The following MYO3A variants were observed in gnomAD, a reference collection of about 807,000 sequenced individuals.
MYO3A encodes the protein myosin IIIA, also known as myosin-IIIa.
Under a neutral mutation model 192.7 loss-of-function variants are expected in MYO3A, and 180 were observed. That is an observed-to-expected ratio of 0.93 (90% CI 0.83 to 1.06). The LOEUF (loss-of-function observed/expected upper bound fraction) is 1.06, where lower values mean the gene tolerates loss of function less well. MYO3A is among the 50% of genes least tolerant of loss of function. MYO3A has a pLI of 0.00. For synonymous variants in MYO3A, 628 were observed against 645.3 expected (o/e 0.97, Z 0.41); for missense variants, 1,896 against 1,905.0 (o/e 1.00, Z 0.09).
At chr10:25,950,678 A>G (rs996647111) in intron 2 of MYO3A, among the ~76,000 whole-genome samples, 4 of 152,300 alleles carry the variant, frequency 2.6e-5, no homozygotes, top group Middle Eastern at 3.4e-3. Flanking sequence ...AGACGTCACA[A>G]TAATACAAGG....
intron 2 of MYO3A, among the ~76,000 whole-genome samples, chr10:25,951,004 GC>G (rs1319406668): frequency 1.3e-5 from 2 of 152,128 alleles, no homozygotes; most frequent in Non-Finnish European, 2.9e-5. Context: ...ATAGAAAAGA[GC>G]ATTACTTGGA....
intron 14 of MYO3A, among the ~76,000 whole-genome samples, chr10:26,086,607 G>A (rs1317990766): frequency 6.6e-6 from 1 of 151,942 alleles, no homozygotes; most frequent in African/African-American, 2.4e-5. Flanking sequence ...TTCGGGAGTG[G>A]AAGAGCCAGG....
intron 6 of MYO3A, among the ~76,000 whole-genome samples, chr10:26,013,964 C>A (rs1026629742): frequency 6.6e-6 from 1 of 152,016 alleles, no homozygotes; most frequent in African/African-American, 2.4e-5. Context: ...AAAATAATGT[C>A]TTTTGTAACA....
At chr10:26,147,355 G>A in intron 22 of MYO3A, 75 bp from the exon 23 acceptor site, 2 of 1,397,516 alleles carry the variant, frequency 1.4e-6, no homozygotes, top group Middle Eastern at 1.8e-4. Flanking sequence ...ATCTGTTGTT[G>A]ATGATGATGA....
At chr10:25,983,109 C>T (rs565650315) in intron 4 of MYO3A, among the ~76,000 whole-genome samples, 10 of 151,978 alleles carry the variant, frequency 6.6e-5, no homozygotes, top group African/African-American at 2.4e-4. Flanking sequence ...AAATAAAAAA[C>T]AATCACAACT....
rs1844233076 is a variant in MYO3A at position 26,211,867 on chromosome 10, G to A, written c.4755G>A (p.Glu1585=). ...GGTGCTGGGCGGCGGAGAGCCCCGA[G>A]AAGGAGGAGGAGAGAGAGCCAGCAG... ...NERCWAAESP[E]KEEEREPAAN... The change falls in exon 35 of 35, where the codon GAG becomes GAA. Residue 1585 remains glutamate (E), a synonymous_variant. Coordinates refer to ENST00000642920, the MANE Select transcript of MYO3A (RefSeq NM_017433.5). The A allele has an allele frequency of 1.9e-6, 3 of 1,614,000 alleles. No homozygotes were observed. The South Asian group carries it at 3.3e-5, about 18-fold the overall frequency.
chr10:26,088,536 G>T, intron 15 of MYO3A, 131 bp downstream of exon 15: 1 of 843,082 alleles, frequency 1.2e-6, no homozygotes, highest in South Asian at 1.5e-5. Context: ...TTACTATTGA[G>T]AATGAAGAGA....
At chr10:26,179,022 C>G (rs891416556) in intron 31 of MYO3A, among the ~76,000 whole-genome samples, 1 of 150,622 alleles carries the variant, frequency 6.6e-6, no homozygotes, top group African/African-American at 2.5e-5. Flanking sequence ...AGGGTGGTCT[C>G]GATCCGACCC....
Position 26,042,928 on chromosome 10 carries a change from T to A in MYO3A, c.953+16396T>A, listed in dbSNP as rs192835454. On this transcript the variant is annotated intron_variant, in intron 10 of 34. Coordinates refer to ENST00000642920, the MANE Select transcript of MYO3A (RefSeq NM_017433.5). ...TAGCTATTTCTGGTAGTGTTTGCAG[T>A]CTGGACTTGTTTGTGCCTATCTTTC... Among the ~76,000 whole-genome samples the A allele has an allele frequency of 5.6e-4, 85 of 152,316 alleles. 2 individuals carry two copies. The highest frequency in any genetic ancestry group is 4.4e-5 in the Non-Finnish European group (3 of 68,010).
chr10:26,082,065 T>A (rs1835994265), intron 14 of MYO3A, among the ~76,000 whole-genome samples: 1 of 152,222 alleles, frequency 6.6e-6, no homozygotes, highest in African/African-American at 2.4e-5. Context: ...AGCTGCAATC[T>A]AGTCCTGTCT....
chr10:26,104,418 G>T (rs989884464), intron 17 of MYO3A, among the ~76,000 whole-genome samples: 1 of 152,112 alleles, frequency 6.6e-6, no homozygotes, highest in African/African-American at 2.4e-5. Flanking sequence ...TGGACATTCA[G>T]TGTACCAGCA....
chr10:25,968,353 A>G (rs568819724), intron 4 of MYO3A, among the ~76,000 whole-genome samples: 1 of 152,350 alleles, frequency 6.6e-6, no homozygotes, highest in Non-Finnish European at 1.5e-5. Flanking sequence ...TTTATGTCAA[A>G]TGAAAAAATG....
At chr10:26,128,843 C>T (rs542416633) in intron 20 of MYO3A, among the ~76,000 whole-genome samples, 8 of 152,100 alleles carry the variant, frequency 5.3e-5, no homozygotes, top group African/African-American at 1.7e-4. Flanking sequence ...TAGACAGATG[C>T]GTCCAACAGT....
At chr10:26,139,130 G>A (rs1201366284) in intron 20 of MYO3A, among the ~76,000 whole-genome samples, 1 of 152,184 alleles carries the variant, frequency 6.6e-6, no homozygotes, top group African/African-American at 2.4e-5. Flanking sequence ...TATGTGCTAA[G>A]CATGTATCTA....
At chr10:26,094,720 G>A (rs556089599) in intron 15 of MYO3A, among the ~76,000 whole-genome samples, 54 of 152,048 alleles carry the variant, frequency 3.6e-4, no homozygotes, top group Non-Finnish European at 7.2e-4. Context: ...CACCGCACGC[G>A]GCAAGAATGA....
At chr10:26,061,314 C>T (rs977182336) in intron 10 of MYO3A, among the ~76,000 whole-genome samples, 10 of 152,284 alleles carry the variant, frequency 6.6e-5, no homozygotes, top group African/African-American at 2.4e-4. Flanking sequence ...CAAGGTATAG[C>T]AGGAACAATG....
chr10:25,950,489 A>G (rs1462825077), intron 2 of MYO3A, among the ~76,000 whole-genome samples: 1 of 152,158 alleles, frequency 6.6e-6, no homozygotes, highest in Non-Finnish European at 1.5e-5. Context: ...CAGAGTTGAG[A>G]GTTTACTTGT....
At chr10:26,058,462 T>C (rs1369141764) in intron 10 of MYO3A, among the ~76,000 whole-genome samples, 1 of 152,256 alleles carries the variant, frequency 6.6e-6, no homozygotes, top group Non-Finnish European at 1.5e-5. Context: ...TACAGGTTTT[T>C]GTGTGGTTTT....
chr10:26,174,405 AC>A lies in MYO3A; in HGVS notation c.4142del (p.Thr1381LysfsTer6). ...MSSFKHQRIVTTPTEVARNTH... is the reference protein window; with the variant it reads ...MSSFKHQRIVXTPTEVARNTH... ...TTCTTTTAAGCATCAGAGGATTGTCACAACACCAACAGAAGTAGCAAGAAAC... is the reference window on the plus strand; with the variant it reads ...TTCTTTTAAGCATCAGAGGATTGTCAAACACCAACAGAAGTAGCAAGAAAC... On this transcript the variant is annotated frameshift_variant, in exon 30 of 35. Coordinates refer to ENST00000642920, the MANE Select transcript of MYO3A (RefSeq NM_017433.5). LOFTEE classifies it high-confidence loss of function. 6.2e-7 allele frequency: 1 copy of A among 1,614,258 alleles called. No individual in the cohort carries two copies. The highest frequency in any genetic ancestry group is 1.1e-5 in the South Asian group (1 of 91,088).
Sources: allele counts gnomAD v4.1 joint callset (sites outside exome capture counted in the v4.1 genomes callset), GRCh38; gene constraint gnomAD v4.1.1; transcripts MANE v1.5; gene names NCBI Gene and HGNC (gene_info 2026-07-23, HGNC 2026-07-21).